CAMTA1: variants seen among roughly 807,000 people sequenced by gnomAD.
CAMTA1 encodes calmodulin binding transcription activator 1.
A neutral mutation model predicts 170.9 loss-of-function variants in CAMTA1; 27 were observed. The ratio of observed to expected loss-of-function variants is 0.16; its 90% confidence interval spans 0.12 to 0.22. The LOEUF is 0.22. Ranked by LOEUF, CAMTA1 falls within the 10% of genes least tolerant of loss-of-function variation. CAMTA1 has a pLI of 1.00. For missense variants in CAMTA1, 1,619 were observed against 2,217.2 expected (o/e 0.73, Z 5.42); for synonymous variants, 833 against 891.5 (o/e 0.93, Z 1.17).
At chr1:7,530,660 A>G (rs1314110613) in intron 6 of CAMTA1, among the ~76,000 whole-genome samples, 1 of 152,118 alleles carries the variant, frequency 6.6e-6, no homozygotes, top group African/African-American at 2.4e-5. Flanking sequence ...TGCCACTTTG[A>G]AGCTGCATAT....
At chr1:7,703,328 G>A (rs534705031) in intron 11 of CAMTA1, among the ~76,000 whole-genome samples, 1 of 152,176 alleles carries the variant, frequency 6.6e-6, no homozygotes. Flanking sequence ...GGGGTAGACA[G>A]GTGCAGTGGG....
intron 3 of CAMTA1, among the ~76,000 whole-genome samples, chr1:6,944,822 T>G (rs769965347): frequency 5.9e-5 from 9 of 152,236 alleles, no homozygotes; most frequent in Non-Finnish European, 8.8e-5. Flanking sequence ...GTAGAAACCA[T>G]ACTTCGAATT....
chr1:6,902,077 A>AAAAAG (rs1553180467), intron 3 of CAMTA1, among the ~76,000 whole-genome samples: 3 of 70,874 alleles, frequency 4.2e-5, no homozygotes, highest in Admixed American at 1.5e-4. Flanking sequence ...ACACACAAAA[A>AAAAAG]AAAAAATAAA....
intron 3 of CAMTA1, among the ~76,000 whole-genome samples, chr1:7,084,495 G>A (rs561455831): frequency 6.6e-6 from 1 of 152,298 alleles, no homozygotes; most frequent in South Asian, 2.1e-4. Flanking sequence ...GGTGAATCCA[G>A]CCCCTCTGAG....
chr1:7,162,675 G>T, intron 4 of CAMTA1, among the ~76,000 whole-genome samples: 1 of 152,226 alleles, frequency 6.6e-6, no homozygotes, highest in African/African-American at 2.4e-5. Context: ...AATATTTTGT[G>T]GTCTGGAGGG....
chr1:7,367,235 A>G (rs2086042988), intron 5 of CAMTA1, among the ~76,000 whole-genome samples: 1 of 152,154 alleles, frequency 6.6e-6, no homozygotes, highest in Non-Finnish European at 1.5e-5. Context: ...CTCCTCAGAG[A>G]GTAATTATTT....
chr1:7,165,242 C>T (rs1354671568), intron 4 of CAMTA1, among the ~76,000 whole-genome samples: 1 of 152,188 alleles, frequency 6.6e-6, no homozygotes, highest in Non-Finnish European at 1.5e-5. Flanking sequence ...ATGATACCTA[C>T]AGACAAGCAT....
rs1557537117 is a variant in CAMTA1 at position 7,335,124 on chromosome 1, T to TTTTGTGTGTGTGTGTGTGTGTGTG, written c.438+85499_438+85500insTTGTGTGTGTGTGTGTGTGTGTGT. On this transcript the variant is annotated intron_variant, in intron 5 of 22. Transcript: ENST00000303635. ...GAGGGCTTGTTTGGCAGCACAGCTT[T>TTTTGTGTGTGTGTGTGTGTGTGTG]TGTGTGTGTGTGTGTGGGGGGGGGG... Among the ~76,000 whole-genome samples the TTTTGTGTGTGTGTGTGTGTGTGTG allele has an allele frequency of 2.5e-3, 47 of 19,182 alleles. 2 individuals carry two copies. Among genetic ancestry groups the TTTTGTGTGTGTGTGTGTGTGTGTG allele is most frequent in the South Asian group, 3.4e-3 (1 of 290 alleles). The allele number at this position is 19,182 out of a possible 152,430, so 12.6% of individuals were successfully genotyped here.
intron 5 of CAMTA1, among the ~76,000 whole-genome samples, chr1:7,269,443 A>G (rs1025294203): frequency 1.3e-5 from 2 of 152,232 alleles, no homozygotes; most frequent in Non-Finnish European, 2.9e-5. Flanking sequence ...TACAGAAGTG[A>G]CATCTCATCA....
intron 3 of CAMTA1, chr1:6,886,240 G>A (rs1035744726): frequency 2.2e-6 from 1 of 455,980 alleles, no homozygotes; most frequent in Non-Finnish European, 4.4e-6. Flanking sequence ...GTTTATACAG[G>A]TCTTAAAATT....
chr1:6,996,314 G>A (rs1018724385), intron 3 of CAMTA1, among the ~76,000 whole-genome samples: 5 of 152,138 alleles, frequency 3.3e-5, no homozygotes, highest in Admixed American at 2.6e-4. Context: ...ATTCTGTTAC[G>A]CTATTCAGAA....
chr1:6,789,034 G>A (rs1303440033), intron 1 of CAMTA1, among the ~76,000 whole-genome samples: 1 of 152,090 alleles, frequency 6.6e-6, no homozygotes, highest in African/African-American at 2.4e-5. Context: ...CAGTTTTTGG[G>A]ACTAGGTTGG....
chr1:7,013,362 A>C (rs1240706340), intron 3 of CAMTA1, among the ~76,000 whole-genome samples: 1 of 151,716 alleles, frequency 6.6e-6, no homozygotes, highest in Non-Finnish European at 1.5e-5. Context: ...ACAGAAGTGT[A>C]CCACCATGCC....
chr1:7,313,462 G>A (rs1384523839), intron 5 of CAMTA1, among the ~76,000 whole-genome samples: 2 of 152,182 alleles, frequency 1.3e-5, no homozygotes, highest in African/African-American at 2.4e-5. Flanking sequence ...GAGCTGCAGC[G>A]GTAGACGTCC....
chr1:7,005,748 C>T (rs1002373772), intron 3 of CAMTA1, among the ~76,000 whole-genome samples: 1 of 152,216 alleles, frequency 6.6e-6, no homozygotes, highest in Non-Finnish European at 1.5e-5. Context: ...AGGGAGGGAC[C>T]CCAGTCCAGA....
At chr1:7,544,035 C>A (rs138155263) in intron 6 of CAMTA1, among the ~76,000 whole-genome samples, 71 of 152,222 alleles carry the variant, frequency 4.7e-4, no homozygotes, top group African/African-American at 1.4e-3. Context: ...CACCAGGTCC[C>A]ACAAATCATG....
At chr1:7,346,720 C>T (rs1419243614) in intron 5 of CAMTA1, among the ~76,000 whole-genome samples, 18 of 152,216 alleles carry the variant, frequency 1.2e-4, no homozygotes, top group Admixed American at 1.2e-3. Flanking sequence ...TGGGGCCTGG[C>T]AGGAGGCGGC....
intron 4 of CAMTA1, among the ~76,000 whole-genome samples, chr1:7,141,861 G>A (rs1349550388): frequency 6.6e-6 from 1 of 152,208 alleles, no homozygotes; most frequent in Non-Finnish European, 1.5e-5. Context: ...CATCAGACGG[G>A]AATGGAACTT....
At chr1:6,930,489 T>C (rs1684202236) in intron 3 of CAMTA1, among the ~76,000 whole-genome samples, 1 of 152,206 alleles carries the variant, frequency 6.6e-6, no homozygotes, top group Non-Finnish European at 1.5e-5. Context: ...CATTTAATTG[T>C]GGGTTTTCTC....
Sources: allele counts gnomAD v4.1 joint callset (sites outside exome capture counted in the v4.1 genomes callset), GRCh38; gene constraint gnomAD v4.1.1; transcripts MANE v1.5; gene names NCBI Gene and HGNC (gene_info 2026-07-23, HGNC 2026-07-21).